Variants in CCSER1 observed in about 807,000 individuals in gnomAD.
The protein encoded by CCSER1 is serine-rich coiled-coil domain-containing protein 1.
Under a neutral mutation model 82.0 loss-of-function variants are expected in CCSER1, and 41 were observed. That is an observed-to-expected ratio of 0.50 (90% CI 0.39 to 0.65). The LOEUF (loss-of-function observed/expected upper bound fraction) is 0.65, where lower values mean the gene tolerates loss of function less well. Among genes scored for constraint, CCSER1 ranks in the 30% least tolerant of loss-of-function variants. The pLI is 0.00. For missense variants in CCSER1, 1,119 were observed against 1,064.2 expected (o/e 1.05, Z -0.72); for synonymous variants, 414 against 383.9 (o/e 1.08, Z -0.92).
intron 10 of CCSER1, among the ~76,000 whole-genome samples, chr4:91,232,414 C>T (rs1369221417): frequency 1.3e-5 from 2 of 151,608 alleles, no homozygotes; most frequent in Non-Finnish European, 3.0e-5. Context: ...TCAGATGACT[C>T]ATATATATTG....
At chr4:90,767,441 C>G (rs1308732426) in intron 7 of CCSER1, among the ~76,000 whole-genome samples, 2 of 152,042 alleles carry the variant, frequency 1.3e-5, no homozygotes, top group Non-Finnish European at 2.9e-5. Context: ...TGACCTTTTT[C>G]TCACTAGATA....
chr4:91,115,445 G>A (rs577090772), intron 10 of CCSER1, among the ~76,000 whole-genome samples: 1 of 152,136 alleles, frequency 6.6e-6, no homozygotes, highest in South Asian at 2.1e-4. Flanking sequence ...TCCTGCCTCA[G>A]ACTACCAAGT....
chr4:90,482,604 T>C (rs1408813391), intron 5 of CCSER1, among the ~76,000 whole-genome samples: 3 of 152,234 alleles, frequency 2.0e-5, no homozygotes, highest in African/African-American at 7.2e-5. Flanking sequence ...AGAACATCTT[T>C]ATTTCTGCCT....
intron 6 of CCSER1, among the ~76,000 whole-genome samples, chr4:90,628,498 T>A (rs1337794747): frequency 3.7e-4 from 56 of 152,178 alleles, no homozygotes; most frequent in Non-Finnish European, 1.5e-5. Flanking sequence ...ATTTGTCAGG[T>A]AAGGAGAAAT....
intron 10 of CCSER1, among the ~76,000 whole-genome samples, chr4:91,489,827 G>A (rs1758419497): frequency 7.6e-6 from 1 of 131,674 alleles, no homozygotes. Flanking sequence ...GGACTTCTTG[G>A]ATGATGATAC....
chr4:91,143,607 T>A (rs2148934960), intron 10 of CCSER1, among the ~76,000 whole-genome samples: 1 of 152,226 alleles, frequency 6.6e-6, no homozygotes, highest in Admixed American at 6.5e-5. Flanking sequence ...TGGCTAAGGG[T>A]TTGTCATAGA....
At chr4:90,443,333 A>G (rs1257989082) in intron 4 of CCSER1, among the ~76,000 whole-genome samples, 4 of 152,118 alleles carry the variant, frequency 2.6e-5, no homozygotes, top group Non-Finnish European at 5.9e-5. Flanking sequence ...AATAAGGGTT[A>G]TTTGAACAGA....
intron 10 of CCSER1, among the ~76,000 whole-genome samples, chr4:91,280,387 G>C (rs1177655589): frequency 6.6e-6 from 1 of 152,204 alleles, no homozygotes; most frequent in Non-Finnish European, 1.5e-5. Context: ...CACTGTTAGT[G>C]GTGATTGCAG....
intron 5 of CCSER1, among the ~76,000 whole-genome samples, chr4:90,473,682 A>G (rs1764694939): frequency 6.6e-6 from 1 of 152,152 alleles, no homozygotes; most frequent in Non-Finnish European, 1.5e-5. Context: ...AATGAATAGT[A>G]TATGTTAGAT....
At chr4:91,041,625 T>TA (rs1158121231) in intron 9 of CCSER1, among the ~76,000 whole-genome samples, 1 of 152,114 alleles carries the variant, frequency 6.6e-6, no homozygotes, top group Non-Finnish European at 1.5e-5. Flanking sequence ...TACCAGGTGT[T>TA]ACAGGCTTAC....
intron 5 of CCSER1, among the ~76,000 whole-genome samples, chr4:90,623,877 G>A (rs1037899002): frequency 6.6e-6 from 1 of 152,194 alleles, no homozygotes; most frequent in African/African-American, 2.4e-5. Context: ...TTCTGGGAAT[G>A]CTAGTTCATT....
At chr4:91,142,765 A>T (rs1729160468) in intron 10 of CCSER1, among the ~76,000 whole-genome samples, 1 of 152,042 alleles carries the variant, frequency 6.6e-6, no homozygotes, top group Non-Finnish European at 1.5e-5. Context: ...ATTTCTGTAG[A>T]CTTTGTAAGA....
chr4:90,236,127 A>C (rs1208844435), intron 1 of CCSER1, among the ~76,000 whole-genome samples: 9 of 152,074 alleles, frequency 5.9e-5, no homozygotes, highest in Admixed American at 4.6e-4. Flanking sequence ...TTTTTTGTAG[A>C]GATGTTGCTC....
chr4:91,374,135 A>T (rs1024147230), intron 10 of CCSER1, among the ~76,000 whole-genome samples: 2 of 152,148 alleles, frequency 1.3e-5, no homozygotes, highest in Admixed American at 6.6e-5. Flanking sequence ...AGTGATGAGG[A>T]TGTAGAAGCT....
intron 3 of CCSER1, among the ~76,000 whole-genome samples, chr4:90,314,626 C>T (rs917559162): frequency 6.6e-6 from 1 of 151,894 alleles, no homozygotes; most frequent in African/African-American, 2.4e-5. Flanking sequence ...AGTGGTTGCA[C>T]CTGTAGTTCC....
At chr4:91,318,516 T>C (rs529541288) in intron 10 of CCSER1, among the ~76,000 whole-genome samples, 3 of 152,100 alleles carry the variant, frequency 2.0e-5, no homozygotes, top group Non-Finnish European at 2.9e-5. Context: ...AAAGAAAGTT[T>C]TTTATAGACT....
chr4:91,480,016 G>A (rs1376732311), intron 10 of CCSER1, among the ~76,000 whole-genome samples: 1 of 143,638 alleles, frequency 7.0e-6, no homozygotes, highest in Non-Finnish European at 1.5e-5. Flanking sequence ...TCTTGCGATA[G>A]TTTACTGAGA....
At chr4:90,818,265 CTTTTCTTTT>C (rs1274168884) in intron 8 of CCSER1, among the ~76,000 whole-genome samples, 1 of 146,880 alleles carries the variant, frequency 6.8e-6, no homozygotes, top group Non-Finnish European at 1.5e-5. Flanking sequence ...AAATGTTTTT[CTTTTCTTTT>C]TTTTCTTTTT....
chr4:90,499,324 A>C (rs1183662796), intron 5 of CCSER1, among the ~76,000 whole-genome samples: 1 of 152,270 alleles, frequency 6.6e-6, no homozygotes, highest in African/African-American at 2.4e-5. Flanking sequence ...TTACTCAGGA[A>C]CTACCAAGAG....
Sources: gnomAD v4.1 joint callset for allele counts (sites outside exome capture counted in the v4.1 genomes callset) on GRCh38, gnomAD v4.1.1 for gene constraint, MANE v1.5 for transcripts, NCBI Gene and HGNC (gene_info 2026-07-23, HGNC 2026-07-21) for gene names.